Variants in DLGAP2 observed in about 807,000 individuals in gnomAD.
DLGAP2 encodes the protein disks large-associated protein 2.
Under a neutral mutation model 100.3 loss-of-function variants are expected in DLGAP2, and 26 were observed. The observed-to-expected ratio is 0.26, with a 90% confidence interval of 0.19 to 0.36. DLGAP2 has a LOEUF of 0.36. Ranked by LOEUF, DLGAP2 falls within the 10% of genes least tolerant of loss-of-function variation. DLGAP2 has a pLI of 1.00. For missense variants in DLGAP2, 1,858 were observed against 1,453.2 expected (o/e 1.28, Z -4.53); for synonymous variants, 886 against 630.1 (o/e 1.41, Z -6.08).
chr8:1,570,377 T>C (rs1397612964), intron 6 of DLGAP2, among the ~76,000 whole-genome samples: 2 of 152,260 alleles, frequency 1.3e-5, no homozygotes, highest in African/African-American at 2.4e-5. Flanking sequence ...TAATGTTCAC[T>C]CCTGGGGGCT....
chr8:858,157 C>A (rs1797317763), intron 1 of DLGAP2, among the ~76,000 whole-genome samples: 1 of 152,236 alleles, frequency 6.6e-6, no homozygotes, highest in South Asian at 2.1e-4. Context: ...GCGCCCAGTG[C>A]ACATGAATGT....
intron 8 of DLGAP2, among the ~76,000 whole-genome samples, chr8:1,636,212 A>G (rs1356029485): frequency 6.6e-6 from 1 of 152,198 alleles, no homozygotes; most frequent in East Asian, 1.9e-4. Context: ...TATTATTGAT[A>G]TTGTGAAGGA....
At position 765,068 on chromosome 8, in the gene DLGAP2, T is replaced by C. The variant is rs1029509338; in HGVS notation, c.18+27243T>C. ...GGCATTTAGAACGTATTTAGTAAAA[T>C]TGGAGTATTGCAGAAAGGGACTTGA... On this transcript the variant is annotated intron_variant, in intron 1 of 14. Coordinates refer to ENST00000637795, the MANE Select transcript of DLGAP2 (RefSeq NM_001346810.2). Among the ~76,000 whole-genome samples the C allele has an allele frequency of 2.6e-5, 4 of 152,146 alleles. No homozygotes were observed. The South Asian group carries it at 8.3e-4, about 32-fold the overall frequency.
At chr8:1,602,293 C>G (rs1207674249) in intron 6 of DLGAP2, among the ~76,000 whole-genome samples, 1 of 152,178 alleles carries the variant, frequency 6.6e-6, no homozygotes, top group Non-Finnish European at 1.5e-5. Context: ...AAGTGTAAGA[C>G]AGTGTTGCTG....
At position 1,262,269 on chromosome 8, in the gene DLGAP2, T is replaced by G. The variant is rs555561467; in HGVS notation, c.106+3386T>G. 9.8e-5 allele frequency: 15 copies of G among 152,362 alleles called. No homozygotes were observed. The East Asian group carries it at 1.9e-3, about 20-fold the overall frequency. The allele number at this position is 152,362 out of a possible 1,614,324, so 9.4% of individuals were successfully genotyped here. A position where few individuals can be genotyped will look rare whatever the true frequency, so the allele number is the denominator to read the frequency against. Reference sequence around the variant, plus strand: ...CAGAGAACTTAAAATTTTAATTGTATATAAAATGTAGATCATGATCTCAAT... The same window carrying G: ...CAGAGAACTTAAAATTTTAATTGTAGATAAAATGTAGATCATGATCTCAAT... On this transcript the variant is annotated intron_variant, in intron 3 of 14. Coordinates refer to ENST00000637795, the MANE Select transcript of DLGAP2 (RefSeq NM_001346810.2).
chr8:1,144,574 A>G (rs1267129925), intron 2 of DLGAP2, among the ~76,000 whole-genome samples: 1 of 152,218 alleles, frequency 6.6e-6, no homozygotes, highest in East Asian at 1.9e-4. Flanking sequence ...CAGGAAATAA[A>G]CGCTCTTTCC....
chr8:1,212,326 C>T (rs1414829908), intron 2 of DLGAP2, among the ~76,000 whole-genome samples: 1 of 152,200 alleles, frequency 6.6e-6, no homozygotes, highest in Non-Finnish European at 1.5e-5. Flanking sequence ...AAGGTTTGCT[C>T]CGTCTCCAGA....
intron 2 of DLGAP2, among the ~76,000 whole-genome samples, chr8:1,073,046 A>C (rs1398339973): frequency 1.3e-5 from 2 of 152,196 alleles, no homozygotes; most frequent in African/African-American, 2.4e-5. Flanking sequence ...ATGTTGTCAC[A>C]ATCATTATAG....
In DLGAP2 at chr8:1,195,800, G is replaced by T. The variant is rs1159599224; in HGVS notation, c.74-63051G>T. Among the ~76,000 whole-genome samples the T allele has an allele frequency of 3.3e-5, 5 of 152,278 alleles. No homozygotes were observed. In the South Asian group the frequency reaches 1.0e-3, roughly 32 times the overall value. On this transcript the variant is annotated intron_variant, in intron 2 of 14. Coordinates refer to ENST00000637795, the MANE Select transcript of DLGAP2 (RefSeq NM_001346810.2). ...GAGCTGACCGTGTGGCGCGTTCCCC[G>T]GAGTGCGTGACCTGCTCCGAGGCCT...
chr8:1,437,165 C>T lies in DLGAP2; in HGVS notation c.107-64201C>T, dbSNP rs562102059. ...TCCGGGTCTGCGTTCAGCGCAGGCG[C>T]GTAAGGGTGACGCCATCCGGGTCTG... On this transcript the variant is annotated intron_variant, in intron 3 of 14. Coordinates refer to ENST00000637795, the MANE Select transcript of DLGAP2 (RefSeq NM_001346810.2). Among the ~76,000 whole-genome samples, 81 of 144,930 alleles carry T rather than the reference C, an allele frequency of 5.6e-4. 2 individuals are homozygous for T. The highest frequency in any genetic ancestry group is 5.7e-4 in the Non-Finnish European group (38 of 66,780).
At chr8:969,319 C>A (rs1445961366) in intron 2 of DLGAP2, among the ~76,000 whole-genome samples, 1 of 152,184 alleles carries the variant, frequency 6.6e-6, no homozygotes. Flanking sequence ...GGCCGACACA[C>A]TCTGCAGATC....
chr8:791,815 G>T (rs1822034465), intron 1 of DLGAP2, among the ~76,000 whole-genome samples: 1 of 152,144 alleles, frequency 6.6e-6, no homozygotes, highest in African/African-American at 2.4e-5. Flanking sequence ...TTTTCTTGTT[G>T]CTTGAGCTCA....
chr8:827,192 A>C (rs1422334415), intron 1 of DLGAP2, among the ~76,000 whole-genome samples: 3 of 152,186 alleles, frequency 2.0e-5, no homozygotes, highest in Admixed American at 6.5e-5. Context: ...ATCCAGACCA[A>C]AATGCTGAAA....
At chr8:851,254 G>A (rs1188277997) in intron 1 of DLGAP2, among the ~76,000 whole-genome samples, 1 of 152,218 alleles carries the variant, frequency 6.6e-6, no homozygotes, top group Non-Finnish European at 1.5e-5. Flanking sequence ...GTGGTAGAAC[G>A]CACCATCCAG....
intron 1 of DLGAP2, among the ~76,000 whole-genome samples, chr8:805,440 G>T (rs142895440): frequency 6.6e-6 from 1 of 151,912 alleles, no homozygotes; most frequent in Non-Finnish European, 1.5e-5. Context: ...TTTATGTCCC[G>T]CTAGACTCTT....
At chr8:1,491,450 C>T (rs1799386852) in intron 3 of DLGAP2, among the ~76,000 whole-genome samples, 1 of 108,590 alleles carries the variant, frequency 9.2e-6, no homozygotes, top group Non-Finnish European at 2.0e-5. Context: ...AGAAAGTGAG[C>T]ACGAGGAGCA....
chr8:1,596,195 C>T (rs1053058330), intron 6 of DLGAP2, among the ~76,000 whole-genome samples: 17 of 152,184 alleles, frequency 1.1e-4, no homozygotes, highest in African/African-American at 3.9e-4. Flanking sequence ...CTGCAAAGAA[C>T]ATGAACTCAT....
At chr8:1,503,232 TAG>T (rs890261478) in intron 4 of DLGAP2, among the ~76,000 whole-genome samples, 1 of 152,188 alleles carries the variant, frequency 6.6e-6, no homozygotes, top group African/African-American at 2.4e-5. Context: ...CCTCTGTCTC[TAG>T]AACTTTTTCC....
chr8:1,336,655 T>C (rs1801282287), intron 3 of DLGAP2, among the ~76,000 whole-genome samples: 1 of 152,124 alleles, frequency 6.6e-6, no homozygotes, highest in African/African-American at 2.4e-5. Flanking sequence ...TGGAACAGGC[T>C]GGGGCCCCTC....
Sources: gnomAD v4.1 joint callset for allele counts (sites outside exome capture counted in the v4.1 genomes callset) on GRCh38, gnomAD v4.1.1 for gene constraint, MANE v1.5 for transcripts, NCBI Gene and HGNC (gene_info 2026-07-23, HGNC 2026-07-21) for gene names.